The following PHACTR2 variants were observed in gnomAD, a reference collection of about 807,000 sequenced individuals.
The protein encoded by PHACTR2 is chromosome 6 open reading frame 56.
PHACTR2 carries 30 observed loss-of-function variants against 76.0 expected under a neutral mutation model. The ratio of observed to expected loss-of-function variants is 0.39; its 90% confidence interval spans 0.30 to 0.54. The LOEUF is 0.54. Among genes scored for constraint, PHACTR2 ranks in the 20% least tolerant of loss-of-function variants. The pLI, the probability that PHACTR2 is intolerant of heterozygous loss-of-function variation, is 0.61. For synonymous variants in PHACTR2, 292 were observed against 292.5 expected (o/e 1.00, Z 0.02); for missense variants, 696 against 781.1 (o/e 0.89, Z 1.30).
intron 1 of PHACTR2, among the ~76,000 whole-genome samples, chr6:143,569,206 T>C (rs953301938): frequency 1.3e-5 from 2 of 152,176 alleles, no homozygotes; most frequent in African/African-American, 2.4e-5. Context: ...AGAGGTGTGT[T>C]ACTTGTGGGC....
chr6:143,697,660 T>C lies in PHACTR2; in HGVS notation c.47-14356T>C, dbSNP rs1374476222. Among the ~76,000 whole-genome samples, 1 of 152,246 alleles carries C rather than the reference T, an allele frequency of 6.6e-6. No individual in the cohort carries two copies. Among genetic ancestry groups the C allele is most frequent in the African/African-American group, 2.4e-5 (1 of 41,470 alleles). On this transcript the variant is annotated intron_variant, in intron 1 of 12. Transcript: ENST00000440869. The surrounding 1 kb of genome is among the most constrained non-coding windows in gnomAD (Gnocchi z 4.4). ...TCAAACATTAGTGTTTGTTATATTA[T>C]CTTTCAAAATATTTGGAATTCTACA...
Position 143,645,613 on chromosome 6 carries a change from G to C in PHACTR2, c.13+37291G>C, listed in dbSNP as rs1434431240. Among the ~76,000 whole-genome samples, 2 of 152,146 alleles carry C rather than the reference G, an allele frequency of 1.3e-5. 1 individual carries two copies. Among genetic ancestry groups the C allele is most frequent in the East Asian group, 3.8e-4 (2 of 5,198 alleles). ...TTGATAGGTGAATTGCTCATAGGAA[G>C]AGAAAAATTTAAGTGACTATATTAA... On this transcript the variant is annotated intron_variant, in intron 1 of 11. Transcript: ENST00000305766.
At position 143,548,329 on chromosome 6, in the gene PHACTR2, T is replaced by A. The variant is rs748638018; in HGVS notation, c.217+11122T>A. Among the ~76,000 whole-genome samples the A allele has an allele frequency of 4.6e-5, 7 of 152,038 alleles. No individual in the cohort carries two copies. The highest frequency in any genetic ancestry group is 2.6e-4 in the Admixed American group (4 of 15,270). On this transcript the variant is annotated intron_variant, in intron 1 of 11. Transcript: ENST00000367584. The surrounding 1 kb of genome is among the most constrained non-coding windows in gnomAD (Gnocchi z 4.5). ...AATACCATCATGTTAGGGGATAGGG[T>A]TCTAATGTTTGGATTTTGAAGGGAT...
intron 1 of PHACTR2, among the ~76,000 whole-genome samples, chr6:143,574,467 G>A (rs956665351): frequency 3.3e-5 from 5 of 152,214 alleles, no homozygotes; most frequent in African/African-American, 1.2e-4. Context: ...ACATAAAAGT[G>A]GGTTCAATGT....
Position 143,625,244 on chromosome 6 carries a change from A to T in PHACTR2, c.13+16922A>T, listed in dbSNP as rs1776235616. ...TGTGACTATCGTTTAAAATACAGTC[A>T]TGTATACGTACAATAGAATTAGATA... is the stretch of plus-strand genomic sequence containing the variant. On this transcript the variant is annotated intron_variant, in intron 1 of 11. Transcript: ENST00000305766. This position sits in a 1 kb window ranked among gnomAD's most constrained non-coding sequence, Gnocchi z 4.3. 1.3e-5 allele frequency among the ~76,000 whole-genome samples: 2 copies of T among 152,180 alleles called. No individual in the cohort carries two copies. The highest frequency in any genetic ancestry group is 6.5e-5 in the Admixed American group (1 of 15,288).
chr6:143,573,347 C>T (rs1015471108), intron 1 of PHACTR2, among the ~76,000 whole-genome samples: 1 of 152,182 alleles, frequency 6.6e-6, no homozygotes, highest in African/African-American at 2.4e-5. Flanking sequence ...TTCAGGCCAT[C>T]GAGATGCATG....
chr6:143,784,235 T>C lies in PHACTR2; in HGVS notation c.1707+955T>C, dbSNP rs577475294. On this transcript the variant is annotated intron_variant, in intron 10 of 12. Transcript: ENST00000440869. The surrounding 1 kb of genome is among the most constrained non-coding windows in gnomAD (Gnocchi z 4.5). Reference sequence around the variant, plus strand: ...GAACTTGATCATCCAGCCTGCCTGCTACAGTGCTACCCAGATTGACAAATG... The same window carrying C: ...GAACTTGATCATCCAGCCTGCCTGCCACAGTGCTACCCAGATTGACAAATG... 6.6e-6 allele frequency among the ~76,000 whole-genome samples: 1 copy of C among 152,332 alleles called. No individual in the cohort carries two copies. Among genetic ancestry groups the C allele is most frequent in the African/African-American group, 2.4e-5 (1 of 41,578 alleles).
At chr6:143,584,460 T>C (rs1326294273) in intron 1 of PHACTR2, among the ~76,000 whole-genome samples, 1 of 152,154 alleles carries the variant, frequency 6.6e-6, no homozygotes, top group South Asian at 2.1e-4. Flanking sequence ...AAACAGCGCC[T>C]AATTCAAATA....
In PHACTR2 at chr6:143,709,786, C is replaced by A. The variant is rs1238238811; in HGVS notation, c.47-2230C>A. The stretch of plus-strand genomic sequence containing the variant: ...CCAGTGTGCAATGATTTGGCCACCT[C>A]TGTATTAGGGGGAAGGGGAGAGATA... On this transcript the variant is annotated intron_variant, in intron 1 of 12. Coordinates refer to ENST00000440869, the MANE Select transcript of PHACTR2 (RefSeq NM_001100164.2). The surrounding 1 kb of genome is among the most constrained non-coding windows in gnomAD (Gnocchi z 4.4). 6.6e-6 allele frequency among the ~76,000 whole-genome samples: 1 copy of A among 152,058 alleles called. No homozygotes were observed. The highest frequency in any genetic ancestry group is 2.4e-5 in the African/African-American group (1 of 41,390).
rs1488987076 is a variant in PHACTR2 at position 143,772,353 on chromosome 6, A to G, written c.1328A>G (p.Asp443Gly). 6.2e-7 allele frequency: 1 copy of G among 1,613,756 alleles called. No homozygotes were observed. Among genetic ancestry groups the G allele is most frequent in the Non-Finnish European group, 8.5e-7 (1 of 1,179,754 alleles). The change falls in exon 7 of 13, where the codon GAT becomes GGT. Residue 443 changes from aspartate (D) to glycine (G), a missense_variant. Coordinates refer to ENST00000440869, the MANE Select transcript of PHACTR2 (RefSeq NM_001100164.2). The surrounding 1 kb of genome is among the most constrained non-coding windows in gnomAD (Gnocchi z 5.4). ...ESSESFSASE[D>G]EGHREYQAND... is the part of the protein sequence containing the mutation. Reference sequence around the variant, plus strand: ...TCAGAATCCTTTAGTGCCTCAGAAGATGAAGGCCACAGGGAATACCAAGCC... The same window carrying G: ...TCAGAATCCTTTAGTGCCTCAGAAGGTGAAGGCCACAGGGAATACCAAGCC...
chr6:143,568,834 A>G (rs1562239016), intron 1 of PHACTR2, among the ~76,000 whole-genome samples: 1 of 152,182 alleles, frequency 6.6e-6, no homozygotes, highest in South Asian at 2.1e-4. Flanking sequence ...GGAATTATCC[A>G]CGCAAGTATG....
In PHACTR2 at chr6:143,662,404, G is replaced by T. The variant is rs1562262596; in HGVS notation, c.14-49612G>T. ...ATATAAGAAACTACTTATTTTGTTT[G>T]TTATTCCCTTAAGATGTCGTTTGGA... On this transcript the variant is annotated intron_variant, in intron 1 of 11. Transcript: ENST00000305766. The surrounding 1 kb of genome is among the most constrained non-coding windows in gnomAD (Gnocchi z 4.7). Among the ~76,000 whole-genome samples the T allele has an allele frequency of 2.6e-5, 4 of 152,080 alleles. No individual in the cohort carries two copies. The highest frequency in any genetic ancestry group is 2.6e-4 in the Admixed American group (4 of 15,252).
Position 143,543,618 on chromosome 6 carries a change from G to A in PHACTR2, c.217+6411G>A, listed in dbSNP as rs901336790. Among the ~76,000 whole-genome samples the A allele has an allele frequency of 2.0e-5, 3 of 152,208 alleles. No homozygotes were observed. The highest frequency in any genetic ancestry group is 7.2e-5 in the African/African-American group (3 of 41,440). ...AACTGAAAGATGGAGTTGGGTTGGG[G>A]AGGAAGAGTGTTTGGGGATGGGAAA... On this transcript the variant is annotated intron_variant, in intron 1 of 11. Transcript: ENST00000367584. This position sits in a 1 kb window ranked among gnomAD's most constrained non-coding sequence, Gnocchi z 4.7.
chr6:143,723,015 C>T (rs1378239478), intron 2 of PHACTR2, among the ~76,000 whole-genome samples: 1 of 152,082 alleles, frequency 6.6e-6, no homozygotes, highest in Non-Finnish European at 1.5e-5. Flanking sequence ...ATTTTCTTTA[C>T]CCATTCATCT....
intron 1 of PHACTR2, among the ~76,000 whole-genome samples, chr6:143,638,660 T>C (rs1776511448): frequency 1.3e-5 from 2 of 151,946 alleles, no homozygotes; most frequent in Admixed American, 1.3e-4. Context: ...ACACCCCAAA[T>C]GTATATTTGC....
At position 143,585,647 on chromosome 6, in the gene PHACTR2, T is replaced by A. The variant is rs1161877232; in HGVS notation, c.217+48440T>A. ...AATTGGGACCAGAAAGCAAGCTCCA[T>A]GAAGGCAGAGACCCTCCCTGCTTAT... On this transcript the variant is annotated intron_variant, in intron 1 of 11. Coordinates refer to the PHACTR2 transcript ENST00000367584. The surrounding 1 kb of genome is among the most constrained non-coding windows in gnomAD (Gnocchi z 5.2). Among the ~76,000 whole-genome samples, 1 of 152,180 alleles carries A rather than the reference T, an allele frequency of 6.6e-6. No homozygotes were observed. Among genetic ancestry groups the A allele is most frequent in the African/African-American group, 2.4e-5 (1 of 41,448 alleles).
rs1186745685 is a variant in PHACTR2, at chr6:143,739,022, G to C, written c.215-9963G>C. Among the ~76,000 whole-genome samples, 1 of 152,050 alleles carries C rather than the reference G, an allele frequency of 6.6e-6. No homozygotes were observed. Among genetic ancestry groups the C allele is most frequent in the Non-Finnish European group, 1.5e-5 (1 of 68,002 alleles). On this transcript the variant is annotated intron_variant, in intron 2 of 12. Coordinates refer to ENST00000440869, the MANE Select transcript of PHACTR2 (RefSeq NM_001100164.2). This position sits in a 1 kb window ranked among gnomAD's most constrained non-coding sequence, Gnocchi z 4.3. ...TGTTTATGATCTCTTAGTTTGAAAA[G>C]CTTCATTACCATTTACAGCTGAGAT...
At chr6:143,703,303 A>T (rs1324979268) in intron 1 of PHACTR2, among the ~76,000 whole-genome samples, 1 of 152,088 alleles carries the variant, frequency 6.6e-6, no homozygotes, top group East Asian at 1.9e-4. Context: ...GGAATGATTG[A>T]CACTTTGGTC....
At position 143,658,072 on chromosome 6, in the gene PHACTR2, G is replaced by T. The variant is rs925598135; in HGVS notation, c.13+49750G>T. Among the ~76,000 whole-genome samples the T allele has an allele frequency of 2.0e-5, 3 of 152,044 alleles. No homozygotes were observed. Among genetic ancestry groups the T allele is most frequent in the African/African-American group, 7.2e-5 (3 of 41,394 alleles). ...GGGACGTTTGGCCTGTCCAGTTTGG[G>T]GCTATTATGAACAAAGCTGCTATGA... On this transcript the variant is annotated intron_variant, in intron 1 of 11. Coordinates refer to the PHACTR2 transcript ENST00000305766. This position sits in a 1 kb window ranked among gnomAD's most constrained non-coding sequence, Gnocchi z 4.1.
Sources: allele counts gnomAD v4.1 joint callset (sites outside exome capture counted in the v4.1 genomes callset), GRCh38; gene constraint gnomAD v4.1.1; non-coding constraint Gnocchi (gnomAD v3.1); transcripts MANE v1.5; gene names NCBI Gene and HGNC (gene_info 2026-07-23, HGNC 2026-07-21).